TENM3: variants seen among roughly 807,000 people sequenced by gnomAD.
TENM3 encodes teneurin-3.
A neutral mutation model predicts 255.1 loss-of-function variants in TENM3; 63 were observed. The ratio of observed to expected loss-of-function variants is 0.25; its 90% CI spans 0.20 to 0.30. TENM3 has a LOEUF of 0.30. TENM3 is among the 10% of genes least tolerant of loss of function. The pLI is 1.00. For missense variants in TENM3, 2,929 were observed against 3,461.1 expected, an observed-to-expected ratio of 0.85 and a Z score of 3.86; for synonymous variants, 1,306 against 1,322.3, an observed-to-expected ratio of 0.99 and a Z score of 0.27.
intron 6 of TENM3, among the ~76,000 whole-genome samples, chr4:182,670,153 A>G (rs1561082631): frequency 6.6e-6 from 1 of 152,210 alleles, no homozygotes; most frequent in African/African-American, 2.4e-5. Flanking sequence ...ATTTAACTGT[A>G]TGTTCTAATT....
chr4:182,723,119 G>T lies in TENM3; in HGVS notation c.2369-5846G>T, dbSNP rs113548563. ...CAAGCCAGATATCTAGAAGGCAATTGGTGGCTTTGTAGTTCAGGAGAATGA... is the reference window on the plus strand; with the variant it reads ...CAAGCCAGATATCTAGAAGGCAATTTGTGGCTTTGTAGTTCAGGAGAATGA... On this transcript the variant is annotated intron_variant, in intron 13 of 27. Coordinates refer to ENST00000511685, the MANE Select transcript of TENM3 (RefSeq NM_001080477.4). Among the ~76,000 whole-genome samples, 239 of 152,250 alleles carry T rather than the reference G, an allele frequency of 1.6e-3. 4 individuals are homozygous for T. The highest frequency in any genetic ancestry group is 5.2e-3 in the African/African-American group (214 of 41,534).
At chr4:182,467,413 A>T (rs1181878077) in intron 3 of TENM3, among the ~76,000 whole-genome samples, 1 of 152,232 alleles carries the variant, frequency 6.6e-6, no homozygotes, top group Non-Finnish European at 1.5e-5. Flanking sequence ...ACCAAAACTG[A>T]TATCCATAAA....
At chr4:182,334,178 C>T (rs1189871882) in intron 2 of TENM3, among the ~76,000 whole-genome samples, 2 of 151,888 alleles carry the variant, frequency 1.3e-5, no homozygotes, top group Non-Finnish European at 2.9e-5. Context: ...AAAAAAAATC[C>T]TATCACAAAG....
At chr4:182,552,356 CATTA>C (rs1242360266) in intron 3 of TENM3, among the ~76,000 whole-genome samples, 10 of 152,192 alleles carry the variant, frequency 6.6e-5, no homozygotes, top group Non-Finnish European at 1.0e-4. Context: ...ATTGTCAACC[CATTA>C]ATTCTTCATT....
intron 3 of TENM3, among the ~76,000 whole-genome samples, chr4:182,436,588 T>C (rs1258790540): frequency 2.0e-5 from 3 of 152,206 alleles, no homozygotes; most frequent in Non-Finnish European, 4.4e-5. Context: ...TTGCAAAGTA[T>C]GTACACCTTC....
intron 25 of TENM3, among the ~76,000 whole-genome samples, chr4:182,791,773 A>G (rs1032899609): frequency 6.6e-6 from 1 of 152,134 alleles, no homozygotes; most frequent in Non-Finnish European, 1.5e-5. Context: ...TTATGTCTTT[A>G]TACAATAATA....
At chr4:182,287,490 C>T (rs550574613) in intron 1 of TENM3, among the ~76,000 whole-genome samples, 1 of 152,170 alleles carries the variant, frequency 6.6e-6, no homozygotes, top group Non-Finnish European at 1.5e-5. Flanking sequence ...ATCCGTTTGT[C>T]GGTTCAAACA....
In TENM3 at chr4:182,628,619, G is replaced by A. The variant is rs1226985011; in HGVS notation, c.750-32G>A. 2.9e-6 allele frequency: 4 copies of A among 1,360,466 alleles called. No homozygotes were observed. The South Asian group carries it at 3.7e-5, about 13-fold the overall frequency. 84.3% of individuals were successfully genotyped at this position (1,360,466 alleles called of 1,614,324 possible). On this transcript the variant is annotated intron_variant, in intron 4 of 27. Coordinates refer to ENST00000511685, the MANE Select transcript of TENM3 (RefSeq NM_001080477.4). The stretch of plus-strand genomic sequence containing the variant: ...TTGTCTCTTGTATCGTAACATATTT[G>A]TATCTTATAATGATATTCTCCTTTT...
intron 4 of TENM3, among the ~76,000 whole-genome samples, chr4:182,619,513 A>C (rs1749892018): frequency 6.6e-6 from 1 of 152,254 alleles, no homozygotes; most frequent in East Asian, 1.9e-4. Context: ...AAAGAAACAA[A>C]CCTTTCAACT....
chr4:182,727,236 A>C (rs572528000), intron 13 of TENM3, among the ~76,000 whole-genome samples: 1 of 152,234 alleles, frequency 6.6e-6, no homozygotes, highest in South Asian at 2.1e-4. Context: ...CGGGTGGATC[A>C]CTTGAGGTCT....
chr4:182,386,585 G>A (rs1339911044), intron 3 of TENM3, among the ~76,000 whole-genome samples: 1 of 152,208 alleles, frequency 6.6e-6, no homozygotes, highest in Non-Finnish European at 1.5e-5. Flanking sequence ...AGGAACTGGG[G>A]CTGCGCGCAG....
At chr4:182,060,469 T>C in the TENM3 span, among the ~76,000 whole-genome samples, 1 of 151,972 alleles carries the variant, frequency 6.6e-6, no homozygotes, top group African/African-American at 2.4e-5. Context: ...CACGCTTCTG[T>C]GAAAACCTAA....
chr4:181,764,679 CAT>C, the TENM3 span, among the ~76,000 whole-genome samples: 1 of 152,072 alleles, frequency 6.6e-6, no homozygotes. Context: ...TGAATGTACA[CAT>C]GTGACTTTGT....
intron 3 of TENM3, among the ~76,000 whole-genome samples, chr4:182,381,952 A>T (rs1241561055): frequency 6.6e-6 from 1 of 152,194 alleles, no homozygotes; most frequent in Non-Finnish European, 1.5e-5. Flanking sequence ...TGTGCTAGGG[A>T]GTAGAGGTCT....
At chr4:182,478,174 C>A (rs1228919693) in intron 3 of TENM3, among the ~76,000 whole-genome samples, 1 of 151,872 alleles carries the variant, frequency 6.6e-6, no homozygotes, top group Non-Finnish European at 1.5e-5. Context: ...AGGTAATAAT[C>A]CTCATTTGTA....
chr4:182,018,039 G>A, the TENM3 span, among the ~76,000 whole-genome samples: 1 of 152,176 alleles, frequency 6.6e-6, no homozygotes, highest in Non-Finnish European at 1.5e-5. Context: ...TATTTCCTGA[G>A]AACTGGAAAT....
the TENM3 span, among the ~76,000 whole-genome samples, chr4:181,618,420 G>GTAT: frequency 1.7e-4 from 26 of 152,322 alleles, no homozygotes; most frequent in Middle Eastern, 6.8e-3. Flanking sequence ...GCAGTCAAGG[G>GTAT]TATTAGCTTA....
chr4:181,631,892 T>A, the TENM3 span, among the ~76,000 whole-genome samples: 1 of 152,158 alleles, frequency 6.6e-6, no homozygotes, highest in Admixed American at 6.5e-5. Flanking sequence ...ACTTTGTGAC[T>A]GTTTTTCACA....
At chr4:181,820,797 C>T in the TENM3 span, among the ~76,000 whole-genome samples, 3 of 152,124 alleles carry the variant, frequency 2.0e-5, no homozygotes, top group Admixed American at 6.5e-5. Context: ...TTCTTGAATG[C>T]CAGTGGCAGC....
Sources: gnomAD v4.1 joint callset for allele counts (sites outside exome capture counted in the v4.1 genomes callset) on GRCh38, gnomAD v4.1.1 for gene constraint, MANE v1.5 for transcripts, NCBI Gene and HGNC (gene_info 2026-07-23, HGNC 2026-07-21) for gene names.